DLG2: variants seen among roughly 807,000 people sequenced by gnomAD.
The protein encoded by DLG2 is discs large MAGUK scaffold protein 2.
DLG2 carries 45 observed loss-of-function variants against 132.5 expected under a neutral mutation model. The observed-to-expected ratio is 0.34, with a 90% CI of 0.27 to 0.44. DLG2 has a LOEUF of 0.44. Among genes scored for constraint, DLG2 ranks in the 20% least tolerant of loss-of-function variants. DLG2 has a pLI of 1.00. For synonymous variants in DLG2, 424 were observed against 419.6 expected, an observed-to-expected ratio of 1.01 and a Z score of -0.13; for missense variants, 1,045 against 1,196.9, an observed-to-expected ratio of 0.87 and a Z score of 1.87.
chr11:83,753,010 G>A (rs1472327454), intron 18 of DLG2, among the ~76,000 whole-genome samples: 1 of 152,184 alleles, frequency 6.6e-6, no homozygotes, highest in Non-Finnish European at 1.5e-5. Context: ...TAGTCCTTGA[G>A]GGGACAGTGA....
intron 6 of DLG2, among the ~76,000 whole-genome samples, chr11:84,587,769 T>C (rs535544232): frequency 6.6e-6 from 1 of 152,330 alleles, no homozygotes; most frequent in South Asian, 2.1e-4. Flanking sequence ...AAGAACTCCA[T>C]GAAAACCTTG....
chr11:85,282,518 T>TA (rs34603492), intron 4 of DLG2, among the ~76,000 whole-genome samples: 131,357 of 151,616 alleles, frequency 0.87, 57,415 homozygotes, highest in Non-Finnish European at 0.93. Context: ...AAATAAAAAT[T>TA]AAGAAAAAAC....
At chr11:85,091,827 C>A (rs1594030954) in intron 6 of DLG2, among the ~76,000 whole-genome samples, 1 of 152,176 alleles carries the variant, frequency 6.6e-6, no homozygotes, top group East Asian at 1.9e-4. Context: ...TCTGCAGTTA[C>A]TTCCTCCACT....
intron 10 of DLG2, among the ~76,000 whole-genome samples, chr11:84,062,893 T>G (rs904381108): frequency 5.3e-5 from 8 of 152,144 alleles, no homozygotes; most frequent in African/African-American, 1.9e-4. Context: ...TCATAGCTAT[T>G]TAAAATTAAT....
At chr11:84,505,525 A>C (rs2099236593) in intron 7 of DLG2, among the ~76,000 whole-genome samples, 1 of 152,186 alleles carries the variant, frequency 6.6e-6, no homozygotes, top group African/African-American at 2.4e-5. Flanking sequence ...TTTACTAGTT[A>C]AATGGCTTTG....
intron 4 of DLG2, among the ~76,000 whole-genome samples, chr11:85,216,649 G>A (rs2082616493): frequency 6.6e-6 from 1 of 152,066 alleles, no homozygotes. Flanking sequence ...GTGAATCACA[G>A]AATCTTAGGG....
intron 6 of DLG2, among the ~76,000 whole-genome samples, chr11:84,951,496 GTTTGA>G (rs2050908236): frequency 6.6e-6 from 1 of 151,820 alleles, no homozygotes; most frequent in African/African-American, 2.4e-5. Flanking sequence ...GAAATAAAAT[GTTTGA>G]TTTGTCATTC....
chr11:83,734,385 TTCCTTCCTTCCTTCCTTCCTTCCC>T (rs2091564334), intron 18 of DLG2, among the ~76,000 whole-genome samples: 1 of 136,738 alleles, frequency 7.3e-6, no homozygotes, highest in African/African-American at 2.8e-5. Context: ...CCTTCCTTCC[TTCCTTCCTTCCTTCCTTCCTTCCC>T]TCCCTCCTTC....
chr11:84,236,339 G>T (rs2097158399), intron 8 of DLG2, among the ~76,000 whole-genome samples: 2 of 152,218 alleles, frequency 1.3e-5, no homozygotes, highest in Non-Finnish European at 2.9e-5. Context: ...GTCAGAGAAA[G>T]CTTCTGGTGG....
rs141035389 is a variant in DLG2, at chr11:85,571,632, T to C, written c.40+27025A>G. Among the ~76,000 whole-genome samples the C allele has an allele frequency of 9.5e-4, 144 of 152,352 alleles. 2 individuals are homozygous for C. In the Middle Eastern group the frequency reaches 0.014, roughly 14 times the overall value. On this transcript the variant is annotated intron_variant, in intron 3 of 27. Coordinates refer to ENST00000376104, the MANE Select transcript of DLG2 (RefSeq NM_001142699.3). ...GCATGTGCACAGCCATCCATACACA[T>C]GCATTTGGTCTCCCAATTTCATAAG...
chr11:85,479,367 T>A (rs1022467304), intron 3 of DLG2, among the ~76,000 whole-genome samples: 4 of 152,206 alleles, frequency 2.6e-5, no homozygotes, highest in African/African-American at 9.6e-5. Flanking sequence ...CTCTAGGACC[T>A]CTTTCCTAAA....
intron 6 of DLG2, among the ~76,000 whole-genome samples, chr11:84,839,333 G>A (rs1285442893): frequency 6.6e-6 from 1 of 152,154 alleles, no homozygotes; most frequent in South Asian, 2.1e-4. Context: ...ACTGCTCAAT[G>A]AAATAAAAGA....
chr11:84,777,271 A>ATG (rs1168148650), intron 6 of DLG2, among the ~76,000 whole-genome samples: 1,962 of 117,570 alleles, frequency 0.017, 57 homozygotes, highest in Non-Finnish European at 0.023. Flanking sequence ...GTGTATGTAT[A>ATG]TGTGTGTGTG....
chr11:84,754,128 G>T (rs1291423492), intron 6 of DLG2, among the ~76,000 whole-genome samples: 1 of 151,882 alleles, frequency 6.6e-6, no homozygotes, highest in Non-Finnish European at 1.5e-5. Context: ...CTAAATAGGA[G>T]GACAAAAAAT....
At chr11:84,193,899 A>C (rs999813815) in intron 8 of DLG2, among the ~76,000 whole-genome samples, 1 of 152,170 alleles carries the variant, frequency 6.6e-6, no homozygotes, top group African/African-American at 2.4e-5. Context: ...TCACTTCCTC[A>C]AAATAAGAAT....
At chr11:84,083,212 G>A (rs560245820) in intron 10 of DLG2, among the ~76,000 whole-genome samples, 1 of 152,184 alleles carries the variant, frequency 6.6e-6, no homozygotes, top group East Asian at 1.9e-4. Context: ...CCCAGGAGGT[G>A]GAGATTCCAG....
chr11:84,961,564 GTGTA>G (rs1566515096), intron 6 of DLG2, among the ~76,000 whole-genome samples: 2 of 147,280 alleles, frequency 1.4e-5, no homozygotes, highest in Non-Finnish European at 3.0e-5. Context: ...GTGTGTGTGT[GTGTA>G]TGTGTATGCA....
At chr11:85,441,033 G>C (rs1237386937) in intron 3 of DLG2, among the ~76,000 whole-genome samples, 1 of 152,158 alleles carries the variant, frequency 6.6e-6, no homozygotes, top group Non-Finnish European at 1.5e-5. Flanking sequence ...AAACAATTAA[G>C]CTTTCAGCTT....
intron 6 of DLG2, 136 bp from the exon 7 acceptor site, chr11:84,534,867 G>A: frequency 9.8e-7 from 1 of 1,017,662 alleles, no homozygotes; most frequent in Non-Finnish European, 1.5e-6. Flanking sequence ...GGGCTTTGCT[G>A]CAGACTCTTC....
Sources: allele counts gnomAD v4.1 joint callset (sites outside exome capture counted in the v4.1 genomes callset), GRCh38; gene constraint gnomAD v4.1.1; transcripts MANE v1.5; gene names NCBI Gene and HGNC (gene_info 2026-07-23, HGNC 2026-07-21).